CABIN1: variants seen among roughly 807,000 people sequenced by gnomAD.
The protein encoded by CABIN1 is calcineurin-binding protein cabin-1.
A neutral mutation model predicts 227.7 loss-of-function variants in CABIN1; 133 were observed. The ratio of observed to expected loss-of-function variants is 0.58; its 90% confidence interval spans 0.51 to 0.67. CABIN1 has a LOEUF of 0.67. Among genes scored for constraint, CABIN1 ranks in the 30% least tolerant of loss-of-function variants. The probability of loss-of-function intolerance (pLI) is 0.00; values close to 1 mark genes in which losing one functional copy is unlikely to be tolerated. For synonymous variants in CABIN1, 1,086 were observed against 1,155.1 expected (o/e 0.94, Z 1.21); for missense variants, 2,408 against 2,852.5 (o/e 0.84, Z 3.55).
In CABIN1 at chr22:24,177,709, C is replaced by G. The variant is rs376169717; in HGVS notation, c.6411C>G (p.Ile2137Met). The change falls in exon 36 of 37, where the codon ATC becomes ATG. Residue 2137 changes from isoleucine (I) to methionine (M), a missense_variant. Ile to Met is a conservative substitution (Grantham distance 10). Transcript: ENST00000263119. The surrounding 1 kb of genome is among the most constrained non-coding windows in gnomAD (Gnocchi z 4.4). ...TGCCCAACATGCCAAAGCTGGTCAT[C>G]CCCTCCGCCGCCACCAAGTTCCCCC... Reference protein sequence around the residue: ...RPLPNMPKLVIPSAATKFPPE... With the variant: ...RPLPNMPKLVMPSAATKFPPE... 25 of 1,613,274 alleles carry G rather than the reference C, an allele frequency of 1.5e-5. No homozygotes were observed. In the East Asian group the frequency reaches 2.0e-4, roughly 13 times the overall value.
At chr22:24,146,822 T>G (rs1286417717) in intron 29 of CABIN1, among the ~76,000 whole-genome samples, 1 of 152,240 alleles carries the variant, frequency 6.6e-6, no homozygotes, top group African/African-American at 2.4e-5. Context: ...GAAGATGATC[T>G]TGTTAAGCCC....
chr22:24,157,372 G>C (rs2045895696), intron 29 of CABIN1, among the ~76,000 whole-genome samples: 1 of 152,304 alleles, frequency 6.6e-6, no homozygotes, highest in East Asian at 1.9e-4. Context: ...GGCTCCAGAA[G>C]GGGCAATCTG....
At chr22:24,078,086 C>T (rs1047226430) in intron 19 of CABIN1, among the ~76,000 whole-genome samples, 3 of 152,186 alleles carry the variant, frequency 2.0e-5, no homozygotes, top group East Asian at 1.9e-4. Context: ...TCAGCTTCTG[C>T]ATGACTGGTT....
intron 29 of CABIN1, among the ~76,000 whole-genome samples, chr22:24,143,944 A>G (rs2044947861): frequency 6.6e-6 from 1 of 152,174 alleles, no homozygotes; most frequent in Non-Finnish European, 1.5e-5. Context: ...CCACTCCCCA[A>G]CTGGTTGGCT....
At chr22:24,116,865 G>T (rs1206215742) in intron 27 of CABIN1, among the ~76,000 whole-genome samples, 1 of 152,212 alleles carries the variant, frequency 6.6e-6, no homozygotes, top group East Asian at 1.9e-4. Context: ...GTTGGCCTTG[G>T]CATATGCACC....
chr22:24,174,820 C>T (rs1014785571), intron 34 of CABIN1, among the ~76,000 whole-genome samples: 8 of 152,022 alleles, frequency 5.3e-5, no homozygotes, highest in African/African-American at 1.5e-4. Flanking sequence ...TTGACCCCAC[C>T]GAGAGAACAC....
chr22:24,101,197 A>T (rs904882814), intron 26 of CABIN1, among the ~76,000 whole-genome samples: 1 of 152,234 alleles, frequency 6.6e-6, no homozygotes, highest in East Asian at 1.9e-4. Context: ...GAGACCTTGC[A>T]TTGGAGCTGC....
rs1430391163 is a variant in CABIN1, at chr22:24,072,362, C to A, written c.2484C>A (p.Asp828Glu). Residue 828 changes from aspartate to glutamate, a missense_variant, in exon 18 of 37, where the codon GAC (aspartate) becomes GAA (glutamate). Asp to Glu is a conservative substitution (Grantham distance 45, BLOSUM62 2). Around this residue, in one of 3 missense-constraint regions of CABIN1, gnomAD observed 1,045 missense variants for 1,168.4 expected, o/e 0.89. Transcript: ENST00000263119. Reference protein sequence around the residue: ...RLTNNLIQVIDCSMAVQEEAK... With the variant: ...RLTNNLIQVIECSMAVQEEAK... ...CCACCCCGCACTGTCAGGTCATTGA[C>A]TGCAGCATGGCTGTGCAGGAGGAGG... 54 of 1,614,098 alleles carry A rather than the reference C, an allele frequency of 3.3e-5. No homozygotes were observed. Among genetic ancestry groups the A allele is most frequent in the Non-Finnish European group, 4.3e-5 (51 of 1,180,048 alleles).
intron 29 of CABIN1, among the ~76,000 whole-genome samples, chr22:24,148,794 C>A (rs1317596720): frequency 6.6e-6 from 1 of 152,242 alleles, no homozygotes; most frequent in Non-Finnish European, 1.5e-5. Flanking sequence ...GCTGCACCCC[C>A]CTGCAGCCTA....
chr22:24,164,293 G>A (rs1365128921), intron 29 of CABIN1, 107 bp from the exon 30 acceptor site: 27 of 1,406,018 alleles, frequency 1.9e-5, no homozygotes, highest in Non-Finnish European at 2.7e-5. Flanking sequence ...TGGCTGGGCA[G>A]TGTCCCCTTT....
At chr22:24,140,536 G>A (rs534460541) in intron 29 of CABIN1, among the ~76,000 whole-genome samples, 170 of 152,372 alleles carry the variant, frequency 1.1e-3, no homozygotes, top group Non-Finnish European at 1.7e-3. Flanking sequence ...AGGCAAGCCT[G>A]CATGGGCCAG....
At chr22:24,131,308 C>G (rs887828829) in intron 28 of CABIN1, among the ~76,000 whole-genome samples, 2 of 152,238 alleles carry the variant, frequency 1.3e-5, no homozygotes, top group South Asian at 2.1e-4. Flanking sequence ...GCCCCAGAAG[C>G]AGCTCTGGGG....
At position 24,087,748 on chromosome 22, in the gene CABIN1, C is replaced by A. The variant is rs1230166030; in HGVS notation, c.3525+35C>A. ...GGGTGCTGCAGATGGGCTTGCCATC[C>A]TTCTGTCCAGACAGAGTGCCCTCAG... On this transcript the variant is annotated intron_variant, in intron 23 of 36. Transcript: ENST00000263119. The A allele has an allele frequency of 3.1e-6, 5 of 1,611,810 alleles. No homozygotes were observed. The African/African-American group carries it at 6.7e-5, about 22-fold the overall frequency.
chr22:24,020,832 GTT>G (rs1555945629), intron 1 of CABIN1, among the ~76,000 whole-genome samples: 100 of 136,386 alleles, frequency 7.3e-4, no homozygotes, highest in African/African-American at 2.9e-3. Flanking sequence ...GACATGAGCA[GTT>G]TTTGTGTGTG....
chr22:24,028,097 T>C (rs1167854692), intron 1 of CABIN1, among the ~76,000 whole-genome samples: 1 of 152,224 alleles, frequency 6.6e-6, no homozygotes, highest in Non-Finnish European at 1.5e-5. Flanking sequence ...TACTGTACTA[T>C]AGTCTATTAA....
chr22:24,103,117 C>G (rs1456449857), intron 26 of CABIN1: 2 of 152,144 alleles, frequency 1.3e-5, no homozygotes, highest in African/African-American at 2.4e-5. Context: ...CAGTCCGGCT[C>G]CCTGCTACCC....
intron 3 of CABIN1, among the ~76,000 whole-genome samples, chr22:24,036,545 T>C (rs1165066551): frequency 3.9e-5 from 6 of 152,026 alleles, no homozygotes; most frequent in Non-Finnish European, 8.8e-5. Context: ...GTGATGAGAC[T>C]CTTGAGGGGA....
intron 26 of CABIN1, among the ~76,000 whole-genome samples, chr22:24,103,906 A>G (rs2042355590): frequency 6.6e-6 from 1 of 152,100 alleles, no homozygotes; most frequent in African/African-American, 2.4e-5. Flanking sequence ...GAGGAGTGCC[A>G]TGAGCTGGCA....
intron 16 of CABIN1, among the ~76,000 whole-genome samples, chr22:24,070,458 C>T (rs1450900395): frequency 6.6e-6 from 1 of 152,230 alleles, no homozygotes; most frequent in Non-Finnish European, 1.5e-5. Flanking sequence ...CACAGTGGCT[C>T]TGGGGAGAGC....
Sources: gnomAD v4.1 joint callset for allele counts (sites outside exome capture counted in the v4.1 genomes callset) on GRCh38, gnomAD v4.1.1 for gene constraint, gnomAD v4.1.1 regional missense constraint, Gnocchi (gnomAD v3.1) non-coding constraint, MANE v1.5 for transcripts, NCBI Gene and HGNC (gene_info 2026-07-23, HGNC 2026-07-21) for gene names.